The following DDX19B variants were observed in gnomAD, a reference collection of about 807,000 sequenced individuals.
DDX19B encodes the protein ATP-dependent RNA helicase DDX19B.
A neutral mutation model predicts 58.1 loss-of-function variants in DDX19B; 27 were observed. The observed-to-expected ratio is 0.46, with a 90% confidence interval of 0.34 to 0.64. DDX19B has a LOEUF of 0.64. Ranked by LOEUF, DDX19B falls within the 30% of genes least tolerant of loss-of-function variation. The probability of loss-of-function intolerance (pLI) is 0.01; values close to 1 mark genes in which losing one functional copy is unlikely to be tolerated. For synonymous variants in DDX19B, 187 were observed against 214.4 expected, an observed-to-expected ratio of 0.87 and a Z score of 1.12; for missense variants, 399 against 596.5, an observed-to-expected ratio of 0.67 and a Z score of 3.45.
chr16:70,290,157 C>A, upstream of DDX19B: 1 of 176,936 alleles, frequency 5.7e-6, no homozygotes, highest in Admixed American at 5.7e-5. Flanking sequence ...AATTGCAACA[C>A]TTTGGGAGGC....
upstream of DDX19B, among the ~76,000 whole-genome samples, chr16:70,293,597 A>ATTTTTTTTT (rs71151182): frequency 4.7e-3 from 363 of 77,010 alleles, 33 homozygotes; most frequent in Non-Finnish European, 6.2e-3. Context: ...GGATGGCTGA[A>ATTTTTTTTT]TTTTTTTTTT....
At chr16:70,301,046 G>C (rs1042822520) in intron 1 of DDX19B, among the ~76,000 whole-genome samples, 4 of 152,082 alleles carry the variant, frequency 2.6e-5, no homozygotes, top group Non-Finnish European at 5.9e-5. Context: ...TGTCTTTAGA[G>C]CACAGTTCAT....
chr16:70,317,820 C>G (rs1431218710), intron 5 of DDX19B: 1 of 297,044 alleles, frequency 3.4e-6, no homozygotes, highest in Non-Finnish European at 6.4e-6. Context: ...TGGCATGCAG[C>G]TGTAGTCCCA....
upstream of DDX19B, among the ~76,000 whole-genome samples, chr16:70,298,290 C>G (rs1301411941): frequency 6.6e-6 from 1 of 151,774 alleles, no homozygotes; most frequent in Non-Finnish European, 1.5e-5. Context: ...CTTGTAATCC[C>G]AGCTACTTGG....
At chr16:70,315,083 G>C (rs1032614872) in intron 3 of DDX19B, 128 bp downstream of exon 3, 1 of 974,058 alleles carries the variant, frequency 1.0e-6, no homozygotes, top group Non-Finnish European at 1.5e-6. Context: ...TAGCATAAAG[G>C]TTCAATATAG....
intron 1 of DDX19B, among the ~76,000 whole-genome samples, chr16:70,303,391 C>A (rs966348113): frequency 6.6e-6 from 1 of 152,146 alleles, no homozygotes; most frequent in Non-Finnish European, 1.5e-5. Context: ...TCAAGCAATC[C>A]GCCCACCTGG....
chr16:70,317,405 T>C (rs1962490892), intron 4 of DDX19B, 91 bp from the exon 5 acceptor site: 3 of 966,100 alleles, frequency 3.1e-6, no homozygotes, highest in African/African-American at 3.4e-5. Context: ...AAAAACTATG[T>C]GTAAACAGTA....
At chr16:70,312,795 A>C in intron 2 of DDX19B, 138 bp downstream of exon 2, 1 of 667,472 alleles carries the variant, frequency 1.5e-6, no homozygotes, top group African/African-American at 1.8e-5. Flanking sequence ...TTGATTTGTA[A>C]ATCAACAAAC....
chr16:70,299,014 A>T, upstream of DDX19B: 1 of 628,292 alleles, frequency 1.6e-6, no homozygotes, highest in Middle Eastern at 4.8e-4. Flanking sequence ...GATCCAAGTT[A>T]ACCAGAGCTT....
At chr16:70,299,108 A>G, upstream of DDX19B, 1 of 1,327,800 alleles carries the variant, frequency 7.5e-7, no homozygotes, top group East Asian at 3.0e-5. Flanking sequence ...GGGCAACAGA[A>G]TCGACAGCCT....
At chr16:70,290,917 C>T (rs1961044198), upstream of DDX19B, among the ~76,000 whole-genome samples, 1 of 152,186 alleles carries the variant, frequency 6.6e-6, no homozygotes, top group African/African-American at 2.4e-5. Flanking sequence ...GCACTATTAC[C>T]TCCATCATCT....
At chr16:70,304,404 C>T (rs1429575678) in intron 1 of DDX19B, among the ~76,000 whole-genome samples, 1 of 145,320 alleles carries the variant, frequency 6.9e-6, no homozygotes, top group Non-Finnish European at 1.5e-5. Flanking sequence ...CAAAGTCTTG[C>T]TCTTGTCCCC....
chr16:70,327,562 A>C (rs1317276253), intron 7 of DDX19B, among the ~76,000 whole-genome samples: 5 of 130,422 alleles, frequency 3.8e-5, no homozygotes, highest in African/African-American at 1.0e-4. Flanking sequence ...AAAACAAACA[A>C]ATTTTTTTTT....
intron 1 of DDX19B, among the ~76,000 whole-genome samples, chr16:70,303,554 T>C (rs1481690816): frequency 6.6e-6 from 1 of 152,140 alleles, no homozygotes; most frequent in East Asian, 1.9e-4. Context: ...TTTATCAATT[T>C]TTGTTTGTTT....
At position 70,308,593 on chromosome 16, in the gene DDX19B, A is replaced by G. The variant is rs560270181; in HGVS notation, c.58-4016A>G. Among the ~76,000 whole-genome samples, 4 of 151,294 alleles carry G rather than the reference A, an allele frequency of 2.6e-5. No homozygotes were observed. In the East Asian group the frequency reaches 7.8e-4, roughly 30 times the overall value. On this transcript the variant is annotated intron_variant, in intron 1 of 11. Coordinates refer to ENST00000288071, the MANE Select transcript of DDX19B (RefSeq NM_007242.7). ...ACTATGTTACCCAGGCTTGTCTCGA[A>G]CTCCATGAGTTCCAAGGATCCTCCC...
At chr16:70,300,473 G>C (rs1961437110) in intron 1 of DDX19B, among the ~76,000 whole-genome samples, 1 of 152,144 alleles carries the variant, frequency 6.6e-6, no homozygotes, top group Non-Finnish European at 1.5e-5. Context: ...CTCCCAAAGT[G>C]CTGGGATTAC....
At chr16:70,297,619 G>A (rs1961277248), upstream of DDX19B, among the ~76,000 whole-genome samples, 1 of 152,192 alleles carries the variant, frequency 6.6e-6, no homozygotes, top group South Asian at 2.1e-4. Context: ...TTCTAGGGAA[G>A]TAACAAGGGA....
At chr16:70,293,672 C>T (rs1212644492), upstream of DDX19B, among the ~76,000 whole-genome samples, 2 of 131,738 alleles carry the variant, frequency 1.5e-5, no homozygotes, top group African/African-American at 6.0e-5. Context: ...ACTGCAGTGG[C>T]GCAATCTCGG....
upstream of DDX19B, chr16:70,294,719 C>A: frequency 1.5e-6 from 1 of 654,106 alleles, no homozygotes; most frequent in Non-Finnish European, 2.3e-6. Context: ...GGGGCGCGTG[C>A]CCGAGCGCTG....
Sources: allele counts gnomAD v4.1 joint callset (sites outside exome capture counted in the v4.1 genomes callset), GRCh38; gene constraint gnomAD v4.1.1; transcripts MANE v1.5; gene names NCBI Gene and HGNC (gene_info 2026-07-23, HGNC 2026-07-21).